TMEM63C: variants seen among roughly 807,000 people sequenced by gnomAD.
TMEM63C encodes transmembrane protein 63C, also known as osmosensitive cation channel TMEM63C.
TMEM63C carries 32 observed loss-of-function variants against 99.2 expected under a neutral mutation model. The observed-to-expected ratio is 0.32, with a 90% CI of 0.24 to 0.43. The LOEUF is 0.43. Among genes scored for constraint, TMEM63C ranks in the 20% least tolerant of loss-of-function variants. The probability of loss-of-function intolerance (pLI) is 1.00; values close to 1 mark genes in which losing one functional copy is unlikely to be tolerated. For missense variants in TMEM63C, 826 were observed against 1,053.0 expected (o/e 0.78, Z 2.98); for synonymous variants, 376 against 397.9 (o/e 0.94, Z 0.66).
intron 1 of TMEM63C, among the ~76,000 whole-genome samples, chr14:77,199,131 G>A (rs60241760): frequency 0.21 from 31,759 of 152,108 alleles, 3,539 homozygotes; most frequent in African/African-American, 0.27. Context: ...GAGGAGCTGC[G>A]TTATTAAGAA....
At chr14:77,234,378 C>T (rs1025021155) in intron 8 of TMEM63C, among the ~76,000 whole-genome samples, 1 of 152,218 alleles carries the variant, frequency 6.6e-6, no homozygotes, top group Non-Finnish European at 1.5e-5. Context: ...CCATATCCTC[C>T]CCTGAGGATG....
At chr14:77,201,837 C>T (rs1421580159) in intron 1 of TMEM63C, among the ~76,000 whole-genome samples, 1 of 152,206 alleles carries the variant, frequency 6.6e-6, no homozygotes, top group African/African-American at 2.4e-5. Flanking sequence ...CCAAGAAGGC[C>T]CTGGGGCTGG....
chr14:77,242,320 T>G, intron 13 of TMEM63C, 27 bp from the exon 14 acceptor site: 13 of 775,154 alleles, frequency 1.7e-5, no homozygotes, highest in Non-Finnish European at 2.1e-5. Context: ...CAGACCCACA[T>G]TTCTTCCTCT....
intron 7 of TMEM63C, among the ~76,000 whole-genome samples, 185 bp downstream of exon 7, chr14:77,231,915 C>G (rs1189011578): frequency 6.6e-6 from 1 of 152,214 alleles, no homozygotes; most frequent in South Asian, 2.1e-4. Context: ...ACGATTCCTC[C>G]TTTGTCACAG....
Position 77,218,788 on chromosome 14 carries a change from C to T in TMEM63C, c.-13-13C>T, listed in dbSNP as rs776498513. ...AGTCTTTGCATCTGACCTGGATGCC[C>T]TCTGTTTCCCAGGGATCCTCCCAGG... On this transcript the variant is annotated splice_polypyrimidine_tract_variant and intron_variant, in intron 2 of 23. Transcript: ENST00000298351. The T allele has an allele frequency of 1.2e-6, 2 of 1,611,584 alleles. No homozygotes were observed. The highest frequency in any genetic ancestry group is 2.2e-5 in the East Asian group (1 of 44,822).
intron 2 of TMEM63C, among the ~76,000 whole-genome samples, chr14:77,215,270 A>G (rs1888559851): frequency 6.6e-6 from 1 of 151,658 alleles, no homozygotes; most frequent in African/African-American, 2.4e-5. Flanking sequence ...CCACCACCTC[A>G]CACTGGGCTG....
Position 77,218,918 on chromosome 14 carries a change from T to TG in TMEM63C, c.110dup (p.Val38CysfsTer39). Reference sequence around the variant, plus strand: ...ACACCGTCCTCCAGGGGCAGCCCTTTGGGGGTGTCCCCACCGTGCTGTGCC... The same window carrying TG: ...ACACCGTCCTCCAGGGGCAGCCCTTTGGGGGGTGTCCCCACCGTGCTGTGCC... On this transcript the variant is annotated frameshift_variant, in exon 3 of 24. Coordinates refer to ENST00000298351, the MANE Select transcript of TMEM63C (RefSeq NM_020431.4). LOFTEE classifies it high-confidence loss of function. 1 of 1,610,194 alleles carries TG rather than the reference T, an allele frequency of 6.2e-7. No individual in the cohort carries two copies. Among genetic ancestry groups the TG allele is most frequent in the Non-Finnish European group, 8.5e-7 (1 of 1,178,286 alleles).
intron 6 of TMEM63C, 129 bp from the exon 7 acceptor site, chr14:77,231,459 A>C: frequency 7.5e-6 from 7 of 936,142 alleles, no homozygotes; most frequent in Non-Finnish European, 1.1e-5. Context: ...TATGAGATAT[A>C]GAGATAGTAA....
chr14:77,193,727 G>A (rs945847654), intron 1 of TMEM63C, among the ~76,000 whole-genome samples: 9 of 152,022 alleles, frequency 5.9e-5, no homozygotes, highest in Non-Finnish European at 8.8e-5. Context: ...CCAGCTACTC[G>A]GGAGGCTGAG....
rs111727735 is a variant in TMEM63C at position 77,221,890 on chromosome 14, G to A, written c.312+1803G>A. Reference sequence around the variant, plus strand: ...CACAGGTGCTCTCCGTTGCATAGGTGATGTCACATTCTTTGGGTTTTCCTT... The same window carrying A: ...CACAGGTGCTCTCCGTTGCATAGGTAATGTCACATTCTTTGGGTTTTCCTT... On this transcript the variant is annotated intron_variant, in intron 5 of 23. Coordinates refer to ENST00000298351, the MANE Select transcript of TMEM63C (RefSeq NM_020431.4). 3.4e-3 allele frequency among the ~76,000 whole-genome samples: 510 copies of A among 151,918 alleles called. 5 individuals are homozygous for A. Among genetic ancestry groups the A allele is most frequent in the African/African-American group, 0.012 (484 of 41,408 alleles).
intron 1 of TMEM63C, among the ~76,000 whole-genome samples, chr14:77,205,801 A>T (rs1339272871): frequency 1.3e-5 from 2 of 152,208 alleles, no homozygotes; most frequent in African/African-American, 4.8e-5. Context: ...GGCCAGGAGC[A>T]GAGAGCTCAG....
At chr14:77,214,170 G>A (rs924390016) in intron 2 of TMEM63C, among the ~76,000 whole-genome samples, 3 of 152,064 alleles carry the variant, frequency 2.0e-5, no homozygotes, top group Non-Finnish European at 4.4e-5. Context: ...TTTATGTGAT[G>A]CTCCTTGTGT....
At chr14:77,186,034 C>CA (rs1594846320) in intron 1 of TMEM63C, among the ~76,000 whole-genome samples, 1 of 151,102 alleles carries the variant, frequency 6.6e-6, no homozygotes, top group East Asian at 2.0e-4. Flanking sequence ...TTTTTTGAAA[C>CA]AGAGTCTCGT....
rs575167184 is a variant in TMEM63C at position 77,245,233 on chromosome 14, C to G, written c.1449-707C>G. Among the ~76,000 whole-genome samples, 10 of 152,330 alleles carry G rather than the reference C, an allele frequency of 6.6e-5. No individual in the cohort carries two copies. The East Asian group carries it at 1.9e-3, about 29-fold the overall frequency. On this transcript the variant is annotated intron_variant, in intron 16 of 23. Transcript: ENST00000298351. ...ACACAGAGACATCAACTATATGGCA[C>G]ATCTGTGCCTTCCCATCCCTTCCCA... is the stretch of plus-strand genomic sequence containing the variant.
chr14:77,218,436 C>A (rs1888632142), intron 2 of TMEM63C, among the ~76,000 whole-genome samples: 1 of 152,222 alleles, frequency 6.6e-6, no homozygotes, highest in African/African-American at 2.4e-5. Context: ...ACACTGGGGT[C>A]TGACCCACAT....
intron 1 of TMEM63C, among the ~76,000 whole-genome samples, chr14:77,186,493 C>T (rs938127906): frequency 3.3e-5 from 5 of 152,062 alleles, no homozygotes; most frequent in African/African-American, 1.2e-4. Flanking sequence ...TGCTTGAGCC[C>T]AGGAGTTCAA....
At chr14:77,252,060 ATGCGTGCATGCCT>A (rs1016670651) in intron 22 of TMEM63C, among the ~76,000 whole-genome samples, 162 bp downstream of exon 22, 9 of 136,928 alleles carry the variant, frequency 6.6e-5, no homozygotes, top group African/African-American at 2.8e-4. Context: ...GCGTGCATGC[ATGCGTGCATGCCT>A]TGCGTGCATG....
intron 1 of TMEM63C, among the ~76,000 whole-genome samples, chr14:77,207,937 C>T (rs577783412): frequency 7.4e-4 from 113 of 152,240 alleles, no homozygotes; most frequent in Non-Finnish European, 1.5e-3. Context: ...TTCTCTGCCT[C>T]GAGGGTGGCA....
intron 1 of TMEM63C, among the ~76,000 whole-genome samples, chr14:77,198,672 C>T (rs1320536597): frequency 6.6e-6 from 1 of 152,194 alleles, no homozygotes; most frequent in Admixed American, 6.5e-5. Flanking sequence ...GCCTGGCCTC[C>T]GCTCTGAGAT....
Sources: gnomAD v4.1 joint callset for allele counts (sites outside exome capture counted in the v4.1 genomes callset) on GRCh38, gnomAD v4.1.1 for gene constraint, MANE v1.5 for transcripts, NCBI Gene and HGNC (gene_info 2026-07-23, HGNC 2026-07-21) for gene names.